PPARG: variants seen among roughly 807,000 people sequenced by gnomAD.
PPARG encodes peroxisome proliferator activated receptor gamma.
In PPARG, 17 loss-of-function variants were observed where a neutral mutation model predicts 39.2. The ratio of observed to expected loss-of-function variants is 0.43; its 90% confidence interval spans 0.30 to 0.65. The LOEUF is 0.65. Among genes scored for constraint, PPARG ranks in the 30% least tolerant of loss-of-function variants. PPARG has a pLI of 0.13. For missense variants in PPARG, 406 were observed against 585.9 expected (o/e 0.69, Z 3.17); for synonymous variants, 223 against 215.7 (o/e 1.03, Z -0.30).
intron 2 of PPARG, among the ~76,000 whole-genome samples, chr3:12,343,467 A>G (rs982716228): frequency 6.6e-6 from 1 of 152,096 alleles, no homozygotes; most frequent in Non-Finnish European, 1.5e-5. Context: ...TAGCTATGTG[A>G]TCTCAAAACT....
intron 7 of PPARG, among the ~76,000 whole-genome samples, chr3:12,433,399 G>C (rs1419672199): frequency 1.3e-5 from 2 of 151,984 alleles, no homozygotes; most frequent in South Asian, 4.2e-4. Context: ...TTAGAAAGGC[G>C]TGGTGGTGAG....
chr3:12,333,142 TA>T (rs1375817347), intron 2 of PPARG, among the ~76,000 whole-genome samples: 1 of 151,120 alleles, frequency 6.6e-6, no homozygotes, highest in African/African-American at 2.4e-5. Context: ...GTGGGCCTTG[TA>T]AAAACAAACA....
chr3:12,415,677 T>G (rs1436495489), intron 6 of PPARG, among the ~76,000 whole-genome samples: 4 of 152,238 alleles, frequency 2.6e-5, no homozygotes, highest in Non-Finnish European at 5.9e-5. Flanking sequence ...AAATATAAAT[T>G]CAAAATTGCT....
At chr3:12,368,382 A>AT (rs2049094724) in intron 2 of PPARG, among the ~76,000 whole-genome samples, 1 of 151,948 alleles carries the variant, frequency 6.6e-6, no homozygotes, top group African/African-American at 2.4e-5. Context: ...GGGTTTCACC[A>AT]TGTAGGCCAG....
intron 4 of PPARG, among the ~76,000 whole-genome samples, chr3:12,390,027 A>G (rs2125205603): frequency 6.6e-6 from 1 of 152,364 alleles, no homozygotes; most frequent in Middle Eastern, 3.4e-3. Context: ...AACAGACAAC[A>G]GATTAATATC....
chr3:12,406,188 T>C, intron 6 of PPARG, 107 bp downstream of exon 6: 1 of 1,130,068 alleles, frequency 8.8e-7, no homozygotes, highest in Non-Finnish European at 1.3e-6. Flanking sequence ...CACAGAATAT[T>C]GTTCAACTGT....
rs2047030726 is a variant in PPARG, at chr3:12,305,267, A to G, written c.-82-7113A>G. On this transcript the variant is annotated intron_variant, in intron 1 of 7. Transcript: ENST00000651735. ...GAAGTGAAGTATATTTTTATCTACTAAACACATGATCAAATAGGGATTTTT... is the reference window on the plus strand; with the variant it reads ...GAAGTGAAGTATATTTTTATCTACTGAACACATGATCAAATAGGGATTTTT... Among the ~76,000 whole-genome samples the G allele has an allele frequency of 2.6e-5, 4 of 152,206 alleles. No homozygotes were observed. In the South Asian group the frequency reaches 8.3e-4, roughly 31 times the overall value.
At chr3:12,350,280 A>T (rs1041675892) in intron 2 of PPARG, among the ~76,000 whole-genome samples, 1 of 152,150 alleles carries the variant, frequency 6.6e-6, no homozygotes, top group Non-Finnish European at 1.5e-5. Flanking sequence ...TTGGGGCTTA[A>T]TGGCACAGTT....
chr3:12,425,213 G>A (rs1282725099), intron 7 of PPARG, among the ~76,000 whole-genome samples: 1 of 152,250 alleles, frequency 6.6e-6, no homozygotes, highest in Non-Finnish European at 1.5e-5. Flanking sequence ...CCCCGAAGGA[G>A]ACGGGGAATG....
chr3:12,297,374 G>A (rs547616149), intron 1 of PPARG, among the ~76,000 whole-genome samples: 5 of 152,228 alleles, frequency 3.3e-5, no homozygotes, highest in Non-Finnish European at 4.4e-5. Flanking sequence ...ACAGTAGTGA[G>A]ATATGGAGGG....
intron 4 of PPARG, among the ~76,000 whole-genome samples, chr3:12,382,000 A>G (rs1293438022): frequency 6.6e-6 from 1 of 152,142 alleles, no homozygotes; most frequent in Non-Finnish European, 1.5e-5. Flanking sequence ...TTATATATGC[A>G]TATCTTTGGA....
At chr3:12,304,084 A>T (rs191174595) in intron 1 of PPARG, among the ~76,000 whole-genome samples, 2 of 152,344 alleles carry the variant, frequency 1.3e-5, no homozygotes, top group Admixed American at 6.5e-5. Flanking sequence ...ACATTCACTT[A>T]TTTCCAACTT....
intron 5 of PPARG, among the ~76,000 whole-genome samples, chr3:12,397,877 GCCCACCTCCTCTC>G (rs905665497): frequency 2.0e-5 from 3 of 151,974 alleles, no homozygotes; most frequent in African/African-American, 7.2e-5. Context: ...CCATGTTGGA[GCCCACCTCCTCTC>G]CCCACCCCTG....
chr3:12,326,434 G>C (rs990720750), intron 2 of PPARG, among the ~76,000 whole-genome samples: 6 of 152,116 alleles, frequency 3.9e-5, no homozygotes, highest in African/African-American at 1.4e-4. Context: ...ATACATCTCT[G>C]GTTAATGTTC....
At position 12,400,586 on chromosome 3, in the gene PPARG, T is replaced by A. The variant is rs1196210644; in HGVS notation, c.530-5296T>A. ...TTTTTACCAAGATACCAGATTTCTC[T>A]GTAGGTGATGAATTATTCCAAATAG... On this transcript the variant is annotated intron_variant, in intron 5 of 7. Transcript: ENST00000651735. 4.6e-5 allele frequency among the ~76,000 whole-genome samples: 7 copies of A among 152,358 alleles called. No homozygotes were observed. The East Asian group carries it at 1.3e-3, about 29-fold the overall frequency.
At chr3:12,395,814 A>G (rs1267901110) in intron 5 of PPARG, among the ~76,000 whole-genome samples, 1 of 152,214 alleles carries the variant, frequency 6.6e-6, no homozygotes, top group African/African-American at 2.4e-5. Context: ...TCAATTCACT[A>G]CTGTGTCTAG....
upstream of PPARG, among the ~76,000 whole-genome samples, chr3:12,288,448 C>T (rs1007760141): frequency 1.3e-4 from 20 of 151,866 alleles, no homozygotes; most frequent in African/African-American, 4.3e-4. Context: ...CGGGTGGGCG[C>T]GGAGCCGGGG....
chr3:12,325,542 A>C (rs961073629), intron 2 of PPARG, among the ~76,000 whole-genome samples: 1 of 152,158 alleles, frequency 6.6e-6, no homozygotes. Flanking sequence ...TGGAGGTTGC[A>C]GTGAGCCGAG....
chr3:12,433,354 A>G (rs1022020387), intron 7 of PPARG, among the ~76,000 whole-genome samples: 3 of 152,136 alleles, frequency 2.0e-5, no homozygotes, highest in African/African-American at 7.2e-5. Context: ...CCTGGCCAAC[A>G]TGGTGAAACC....
Sources: allele counts gnomAD v4.1 joint callset (sites outside exome capture counted in the v4.1 genomes callset), GRCh38; gene constraint gnomAD v4.1.1; transcripts MANE v1.5; gene names NCBI Gene and HGNC (gene_info 2026-07-23, HGNC 2026-07-21).